MCAT: variants seen among roughly 807,000 people sequenced by gnomAD.
The protein encoded by MCAT is malonyl-CoA-acyl carrier protein transacylase.
MCAT carries 22 observed loss-of-function variants against 22.9 expected under a neutral mutation model. That is an observed-to-expected ratio of 0.96 (90% CI 0.69 to 1.37). The LOEUF (loss-of-function observed/expected upper bound fraction) is 1.37, where lower values mean the gene tolerates loss of function less well. Ranked by LOEUF, MCAT falls within the 40% of genes most tolerant of loss-of-function variation. MCAT has a pLI of 0.00. For missense variants in MCAT, 534 were observed against 533.6 expected, an observed-to-expected ratio of 1.00 and a Z score of -0.01; for synonymous variants, 240 against 233.9, an observed-to-expected ratio of 1.03 and a Z score of -0.24.
Position 43,143,167 on chromosome 22 carries a change from TG to T in MCAT, c.181del (p.Gln61SerfsTer45). 1 of 1,565,144 alleles carries T rather than the reference TG, an allele frequency of 6.4e-7. No individual in the cohort carries two copies. Reference sequence around the variant, plus strand: ...GCCCGGGAAGAGCAGCACGGAGCACTGGCCCGGCATTCGCCGCTCCGTCGCC... The same window carrying T: ...GCCCGGGAAGAGCAGCACGGAGCACTGCCCGGCATTCGCCGCTCCGTCGCC... ...WAATERRMPG[Q>X]CSVLLFPGQG... On this transcript the variant is annotated frameshift_variant, in exon 1 of 4. Coordinates refer to ENST00000290429, the MANE Select transcript of MCAT (RefSeq NM_173467.5). LOFTEE classifies it high-confidence loss of function.
intron 2 of MCAT, among the ~76,000 whole-genome samples, 177 bp from the exon 3 acceptor site, chr22:43,137,475 A>C (rs1365314550): frequency 3.3e-5 from 5 of 152,170 alleles, no homozygotes; most frequent in Admixed American, 3.3e-4. Flanking sequence ...AGCGCTCACC[A>C]CCAAAAGTAT....
At chr22:43,134,647 G>C (rs1460714920) in intron 3 of MCAT, among the ~76,000 whole-genome samples, 2 of 152,194 alleles carry the variant, frequency 1.3e-5, no homozygotes, top group Non-Finnish European at 2.9e-5. Flanking sequence ...GGGCTGAAAA[G>C]CAGAACCCAG....
At chr22:43,142,774 C>CAA (rs151166687) in intron 1 of MCAT, 152 bp downstream of exon 1, 309,631 of 675,430 alleles carry the variant, frequency 0.46, 39,093 homozygotes, top group Non-Finnish European at 0.48. Flanking sequence ...GACTCCGTCT[C>CAA]AAAAAAAAAA....
At chr22:43,133,566 TGGGA>T in intron 3 of MCAT, 80 bp from the exon 4 acceptor site, 2 of 1,126,914 alleles carry the variant, frequency 1.8e-6, no homozygotes, top group Non-Finnish European at 2.5e-6. Flanking sequence ...AGGGCCAAAC[TGGGA>T]GGGTGACCAC....
chr22:43,137,160 G>A lies in MCAT; in HGVS notation c.650C>T (p.Ser217Phe). ...ACATACGGGGTTCTCTATGCCTAAAGACTTGCAGTGTTCCCGGGCTTCCAA... is the reference window on the plus strand; with the variant it reads ...ACATACGGGGTTCTCTATGCCTAAAAACTTGCAGTGTTCCCGGGCTTCCAA... ...ACLEAREHCK[S>F]LGIENPVCEV... The change falls in exon 3 of 4, where the codon TCT (serine) becomes TTT (phenylalanine). Residue 217 changes from serine (S) to phenylalanine (F), a missense_variant. Physicochemically the swap from Ser to Phe is radical, Grantham distance 155. Transcript: ENST00000290429. The A allele has an allele frequency of 1.9e-6, 3 of 1,614,172 alleles. No individual in the cohort carries two copies. The highest frequency in any genetic ancestry group is 2.5e-6 in the Non-Finnish European group (3 of 1,180,036).
intron 3 of MCAT, among the ~76,000 whole-genome samples, chr22:43,134,164 G>A (rs1930538337): frequency 6.6e-6 from 1 of 152,080 alleles, no homozygotes; most frequent in African/African-American, 2.4e-5. Flanking sequence ...TAAAATTCAA[G>A]CCCCATTTCA....
At position 43,135,515 on chromosome 22, in the gene MCAT, A is replaced by C. The variant is rs539666964; in HGVS notation, c.729+1566T>G. Reference sequence around the variant, plus strand: ...TAAGACATTGTCTCAAAAAACAAAAAAAAAAAAAAAAAAAATCAAAAGGAT... The same window carrying C: ...TAAGACATTGTCTCAAAAAACAAAACAAAAAAAAAAAAAAATCAAAAGGAT... On this transcript the variant is annotated intron_variant, in intron 3 of 3. Coordinates refer to ENST00000290429, the MANE Select transcript of MCAT (RefSeq NM_173467.5). Among the ~76,000 whole-genome samples, 61 of 150,598 alleles carry C rather than the reference A, an allele frequency of 4.1e-4. 1 individual carries two copies. The highest frequency in any genetic ancestry group is 6.9e-3 in the Middle Eastern group (2 of 288).
chr22:43,140,802 T>A (rs1437057296), intron 2 of MCAT: 1 of 191,818 alleles, frequency 5.2e-6, no homozygotes, highest in African/African-American at 2.3e-5. Flanking sequence ...GCAAAAATCT[T>A]AAGAAGTAAA....
In MCAT at chr22:43,137,304, CAG is replaced by C. The variant is rs767400224; in HGVS notation, c.512-8_512-7del. On this transcript the variant is annotated splice_region_variant and splice_polypyrimidine_tract_variant and intron_variant, in intron 2 of 3. Coordinates refer to ENST00000290429, the MANE Select transcript of MCAT (RefSeq NM_173467.5). ...GATTTTCACTGCATACAAACCTGGC[CAG>C]AGAGAAGCGCATTTGGAAAAATGAG... The C allele has an allele frequency of 2.5e-6, 4 of 1,611,102 alleles. No individual in the cohort carries two copies. Among genetic ancestry groups the C allele is most frequent in the East Asian group, 2.2e-5 (1 of 44,834 alleles).
At chr22:43,141,469 A>C (rs1256469643) in intron 1 of MCAT, among the ~76,000 whole-genome samples, 1 of 151,282 alleles carries the variant, frequency 6.6e-6, no homozygotes, top group African/African-American at 2.4e-5. Context: ...CAGTCCATCA[A>C]CTCCGTCCAT....
At position 43,143,260 on chromosome 22, in the gene MCAT, G is replaced by T; in HGVS notation, c.89C>A (p.Pro30Gln). The change falls in exon 1 of 4, where the codon CCG becomes CAG. Residue 30 changes from proline (P) to glutamine (Q), a missense_variant. Pro to Gln is a moderately conservative substitution (Grantham distance 76, BLOSUM62 -1). Coordinates refer to ENST00000290429, the MANE Select transcript of MCAT (RefSeq NM_173467.5). ...CAGCTCCGCTACACCCTGGGCGCCC[G>T]GCGGAGGCACCGGGAAGCTCGAGGC... ...RGASSFPVPP[P>Q]GAQGVAELLR... 6.9e-7 allele frequency: 1 copy of T among 1,447,616 alleles called. No homozygotes were observed. The highest frequency in any genetic ancestry group is 9.0e-7 in the Non-Finnish European group (1 of 1,110,468). The allele number at this position is 1,447,616 out of a possible 1,614,324, so 89.7% of individuals were successfully genotyped here.
chr22:43,139,346 C>G (rs151053442), intron 2 of MCAT, among the ~76,000 whole-genome samples: 174 of 152,094 alleles, frequency 1.1e-3, no homozygotes, highest in African/African-American at 4.1e-3. Context: ...GGCAACATAG[C>G]GAGACCCCAT....
intron 1 of MCAT, 86 bp downstream of exon 1, chr22:43,142,840 G>C: frequency 7.5e-7 from 1 of 1,333,034 alleles, no homozygotes. Context: ...GGGAGCCCCC[G>C]GAATGGCAGG....
In MCAT at chr22:43,137,735, G is replaced by GT. The variant is rs369123320; in HGVS notation, c.512-438dup. Among the ~76,000 whole-genome samples the GT allele has an allele frequency of 2.9e-3, 426 of 146,424 alleles. 6 individuals are homozygous for GT. In the South Asian group the frequency reaches 0.046, roughly 16 times the overall value. ...AATGACCTGGCCCAATAGCGCCACT[G>GT]TTTTTTTTTTTTTTTAAATAGTGCC... On this transcript the variant is annotated intron_variant, in intron 2 of 3. Transcript: ENST00000290429.
At chr22:43,142,804 A>G (rs979915153) in intron 1 of MCAT, 122 bp downstream of exon 1, 5 of 1,127,494 alleles carry the variant, frequency 4.4e-6, no homozygotes, top group Admixed American at 3.6e-5. Context: ...AACAAAAAAA[A>G]AAACTCGATC....
chr22:43,143,373 T>C lies in MCAT; in HGVS notation c.-25A>G. 1 of 1,341,768 alleles carries C rather than the reference T, an allele frequency of 7.5e-7. No homozygotes were observed. Among genetic ancestry groups the C allele is most frequent in the Non-Finnish European group, 9.5e-7 (1 of 1,049,760 alleles). The allele number at this position is 1,341,768 out of a possible 1,614,324, so 83.1% of individuals were successfully genotyped here. ...TGGTCGGACACCTGCCCGCGCGCGTTACCGTGGCGACCGAGGCCCGACTGC... is the reference window on the plus strand; with the variant it reads ...TGGTCGGACACCTGCCCGCGCGCGTCACCGTGGCGACCGAGGCCCGACTGC... On this transcript the variant is annotated 5_prime_UTR_variant, in exon 1 of 4. Transcript: ENST00000290429.
rs149972356 is a variant in MCAT at position 43,143,389 on chromosome 22, G to T, written c.-41C>A. The T allele has an allele frequency of 1.6e-5, 21 of 1,314,518 alleles. No homozygotes were observed. Among genetic ancestry groups the T allele is most frequent in the Middle Eastern group, 5.6e-4 (2 of 3,572 alleles). 81.4% of individuals were successfully genotyped at this position (1,314,518 alleles called of 1,614,324 possible). A position where few individuals can be genotyped will look rare whatever the true frequency, so the allele number is the denominator to read the frequency against. Reference sequence around the variant, plus strand: ...CGCGCGCGTTACCGTGGCGACCGAGGCCCGACTGCGGCGGCGCGGCGCAGC... The same window carrying T: ...CGCGCGCGTTACCGTGGCGACCGAGTCCCGACTGCGGCGGCGCGGCGCAGC... On this transcript the variant is annotated 5_prime_UTR_variant, in exon 1 of 4. Coordinates refer to ENST00000290429, the MANE Select transcript of MCAT (RefSeq NM_173467.5).
rs1405566051 is a variant in MCAT at position 43,143,079 on chromosome 22, G to C, written c.270C>G (p.Leu90=). 1.9e-6 allele frequency: 3 copies of C among 1,608,006 alleles called. No homozygotes were observed. The highest frequency in any genetic ancestry group is 1.1e-5 in the South Asian group (1 of 90,804). The change falls in exon 1 of 4, where the codon CTC becomes CTG. Residue 90 remains leucine (L), a synonymous_variant. Coordinates refer to ENST00000290429, the MANE Select transcript of MCAT (RefSeq NM_173467.5). ...CCAGCACGCGGCGGGCGGCGGCGTA[G>C]AGTTCGCGGACGCGCGGGTAGTTGA... The part of the protein sequence containing the change: ...GLLNYPRVRE[L]YAAARRVLGY...
In MCAT at chr22:43,143,028, C is replaced by G; in HGVS notation, c.321G>C (p.Leu107=). ...GGTCCAGGGTCTCCTGCGGCCCGTG[C>G]AGGCTCAGTTCCAGCAGGTCGTAGC... ...VLGYDLLELS[L]HGPQETLDRT... is the part of the protein sequence containing the mutation. The change falls in exon 1 of 4, where the codon CTG becomes CTC. Residue 107 remains leucine (L), a synonymous_variant. Transcript: ENST00000290429. The G allele has an allele frequency of 6.2e-7, 1 of 1,609,806 alleles. No individual in the cohort carries two copies. The highest frequency in any genetic ancestry group is 1.7e-4 in the Middle Eastern group (1 of 6,054).
Sources: allele counts gnomAD v4.1 joint callset (sites outside exome capture counted in the v4.1 genomes callset), GRCh38; gene constraint gnomAD v4.1.1; transcripts MANE v1.5; gene names NCBI Gene and HGNC (gene_info 2026-07-23, HGNC 2026-07-21).